The following LINC00632 variants were observed in gnomAD, a reference collection of about 807,000 sequenced individuals.
LINC00632 encodes long independently transcribed non-coding RNA 632.
chrX:140,740,039 T>C (rs1023591175), intron 3 of LINC00632, among the ~76,000 whole-genome samples: 3 of 111,892 alleles, frequency 2.7e-5, no homozygotes, highest in Non-Finnish European at 5.6e-5. Context: ...CTCCTCATAA[T>C]TGGTATTTCA....
chrX:140,724,669 C>A (rs111213651), intron 2 of LINC00632, among the ~76,000 whole-genome samples: 4,817 of 67,778 alleles, frequency 0.071, 284 homozygotes, highest in African/African-American at 0.21. Context: ...CGTTCCATGC[C>A]CACACATTCC....
At chrX:140,738,561 C>A (rs1186863574) in intron 3 of LINC00632, among the ~76,000 whole-genome samples, 1 of 111,880 alleles carries the variant, frequency 8.9e-6, no homozygotes, top group Non-Finnish European at 1.9e-5. Context: ...TTTGACTAAA[C>A]TTGTTTTGTC....
chrX:140,771,939 C>G (rs1397187259), intron 3 of LINC00632: 1 of 163,730 alleles, frequency 6.1e-6, no homozygotes, highest in African/African-American at 3.1e-5. Flanking sequence ...CTCAGCCACC[C>G]AAAGTGCCGG....
intron 2 of LINC00632, among the ~76,000 whole-genome samples, chrX:140,717,903 G>A (rs914424874): frequency 8.1e-5 from 9 of 111,238 alleles, no homozygotes; most frequent in Non-Finnish European, 1.7e-4. Flanking sequence ...TTGGGAGGCC[G>A]AGACGGGTGG....
intron 3 of LINC00632, among the ~76,000 whole-genome samples, chrX:140,734,190 A>C (rs1012599313): frequency 1.8e-5 from 2 of 112,251 alleles, no homozygotes; most frequent in Admixed American, 9.5e-5. Flanking sequence ...ACCGTGTTCT[A>C]TAGCAGTGAT....
intron 3 of LINC00632, among the ~76,000 whole-genome samples, chrX:140,738,339 A>G (rs758683807): frequency 8.9e-6 from 1 of 111,936 alleles, no homozygotes; most frequent in Non-Finnish European, 1.9e-5. Flanking sequence ...CCTAGTGTGA[A>G]GACCACCGTT....
intron 2 of LINC00632, among the ~76,000 whole-genome samples, chrX:140,719,377 C>T (rs1036268549): frequency 3.6e-5 from 4 of 110,255 alleles, no homozygotes; most frequent in Admixed American, 9.7e-5. Context: ...CAGATCACTG[C>T]GACCTCTGCC....
intron 3 of LINC00632, among the ~76,000 whole-genome samples, chrX:140,738,066 T>C (rs1013630722): frequency 2.7e-5 from 3 of 112,156 alleles, no homozygotes; most frequent in African/African-American, 9.7e-5. Context: ...AGTCCAATTG[T>C]GTTGAAAAGA....
chrX:140,748,075 G>A (rs1355553828), intron 3 of LINC00632, among the ~76,000 whole-genome samples: 1 of 111,653 alleles, frequency 9.0e-6, no homozygotes, highest in Admixed American at 9.5e-5. Flanking sequence ...TGATCTGCCC[G>A]CCTCAGCCTC....
At chrX:140,748,045 C>T (rs749004825) in intron 3 of LINC00632, among the ~76,000 whole-genome samples, 2 of 111,577 alleles carry the variant, frequency 1.8e-5, no homozygotes, top group Non-Finnish European at 3.8e-5. Flanking sequence ...CCAGGCTGGT[C>T]TCGAGCTCCT....
At chrX:140,736,168 A>G (rs1370823301) in intron 3 of LINC00632, among the ~76,000 whole-genome samples, 2 of 111,202 alleles carry the variant, frequency 1.8e-5, no homozygotes, top group Non-Finnish European at 3.8e-5. Context: ...TTCAAAATAA[A>G]TTAAGAAATT....
At chrX:140,761,652 T>C (rs1007261627) in intron 3 of LINC00632, among the ~76,000 whole-genome samples, 1 of 112,768 alleles carries the variant, frequency 8.9e-6, no homozygotes, top group African/African-American at 3.2e-5. Context: ...CCCTCCAAGG[T>C]TTAAGCCTTA....
At position 140,788,152 on chromosome X, in the gene LINC00632, A is replaced by T. The variant is rs1932044437; in HGVS notation, n.16171A>T. On this transcript the variant is annotated non_coding_transcript_exon_variant, in exon 5 of 5. Coordinates refer to ENST00000648200, the Ensembl canonical transcript of LINC00632. ...TAATTTATTAAAAAGCAAAAAAAAA[A>T]TTGAAGATGATGGTCACTGGGGTTG... 3.7e-5 allele frequency among the ~76,000 whole-genome samples: 4 copies of T among 109,214 alleles called. No individual in the cohort carries two copies. In the South Asian group the frequency reaches 1.2e-3, roughly 32 times the overall value. The allele number at this position is 109,214 out of a possible 115,157, so 94.8% of individuals were successfully genotyped here. A position where few individuals can be genotyped will look rare whatever the true frequency, so the allele number is the denominator to read the frequency against.
At chrX:140,757,427 G>A (rs1160468170) in intron 3 of LINC00632, among the ~76,000 whole-genome samples, 2 of 111,417 alleles carry the variant, frequency 1.8e-5, no homozygotes, top group Non-Finnish European at 3.8e-5. Context: ...TTTGTGGTGA[G>A]GAGGGAGAAG....
At chrX:140,784,450 T>A in exon 5 of LINC00632, 1 of 1,079,999 alleles carries the variant, frequency 9.3e-7, no homozygotes, top group Non-Finnish European at 1.3e-6. Flanking sequence ...TCTTCCTATA[T>A]CTCCAGGTCT....
intron 2 of LINC00632, among the ~76,000 whole-genome samples, chrX:140,715,518 C>A (rs1257726638): frequency 1.8e-5 from 2 of 110,220 alleles, no homozygotes; most frequent in African/African-American, 6.6e-5. Flanking sequence ...TCACTTGAAC[C>A]CAGGAGGTGG....
At chrX:140,719,840 C>T (rs530246941) in intron 2 of LINC00632, among the ~76,000 whole-genome samples, 19 of 108,553 alleles carry the variant, frequency 1.8e-4, no homozygotes, top group South Asian at 8.3e-4. Context: ...CTGTAATCCC[C>T]GCACTTTGGG....
chrX:140,788,768 CATATATGTGT>C (rs1174793891), exon 5 of LINC00632, among the ~76,000 whole-genome samples: 1 of 106,706 alleles, frequency 9.4e-6, no homozygotes, highest in African/African-American at 3.4e-5. Context: ...CATATATACA[CATATATGTGT>C]ATATATGTAT....
At chrX:140,741,600 C>T (rs1193896292) in intron 3 of LINC00632, among the ~76,000 whole-genome samples, 1 of 112,069 alleles carries the variant, frequency 8.9e-6, no homozygotes, top group Non-Finnish European at 1.9e-5. Context: ...CTCAGACTAA[C>T]AGAAGTTTTC....
Sources: gnomAD v4.1 joint callset for allele counts (sites outside exome capture counted in the v4.1 genomes callset) on GRCh38, gnomAD v4.1.1 for gene constraint, MANE v1.5 for transcripts, NCBI Gene and HGNC (gene_info 2026-07-23, HGNC 2026-07-21) for gene names.